The following SEL1L2 variants were observed in gnomAD, a reference collection of about 807,000 sequenced individuals.
The protein encoded by SEL1L2 is protein sel-1 homolog 2.
SEL1L2 carries 89 observed loss-of-function variants against 98.8 expected under a neutral mutation model. The observed-to-expected ratio is 0.90, with a 90% confidence interval of 0.76 to 1.07. SEL1L2 has a LOEUF of 1.07. Among genes scored for constraint, SEL1L2 ranks in the 50% least tolerant of loss-of-function variants. The pLI, the probability that SEL1L2 is intolerant of heterozygous loss-of-function variation, is 0.00. For synonymous variants in SEL1L2, 262 were observed against 278.5 expected, an observed-to-expected ratio of 0.94 and a Z score of 0.59; for missense variants, 788 against 812.0, an observed-to-expected ratio of 0.97 and a Z score of 0.36.
chr20:13,850,310 A>C lies in SEL1L2; in HGVS notation c.1828T>G (p.Leu610Val). Reference protein sequence around the residue: ...HGLGITKDIHLARRLYDMAAQ... With the variant: ...HGLGITKDIHVARRLYDMAAQ... ...GCCATGTCGTACAATCTTCTGGCCAAGTGAATGTCCTAGAAGGAGAAGAAT... is the reference window on the plus strand; with the variant it reads ...GCCATGTCGTACAATCTTCTGGCCACGTGAATGTCCTAGAAGGAGAAGAAT... The change falls in exon 19 of 20, where the codon TTG (leucine) becomes GTG (valine). Residue 610 changes from leucine to valine, a missense_variant. Physicochemically the swap from Leu to Val is conservative, Grantham distance 32 (BLOSUM62 1). Transcript: ENST00000284951. The C allele has an allele frequency of 1.9e-6, 3 of 1,614,046 alleles. No individual in the cohort carries two copies. Among genetic ancestry groups the C allele is most frequent in the Non-Finnish European group, 2.5e-6 (3 of 1,179,894 alleles).
chr20:13,941,347 C>T (rs1400868564), intron 2 of SEL1L2, among the ~76,000 whole-genome samples: 1 of 152,186 alleles, frequency 6.6e-6, no homozygotes, highest in Non-Finnish European at 1.5e-5. Context: ...AATCCCTGAT[C>T]TAGAGGGACA....
intron 1 of SEL1L2, among the ~76,000 whole-genome samples, chr20:13,980,302 G>A (rs751038407): frequency 6.6e-6 from 1 of 152,208 alleles, no homozygotes; most frequent in African/African-American, 2.4e-5. Flanking sequence ...TGCAACCTCT[G>A]CCTCCTGGGT....
chr20:13,965,407 T>C (rs1569055247), intron 1 of SEL1L2, among the ~76,000 whole-genome samples: 1 of 152,088 alleles, frequency 6.6e-6, no homozygotes, highest in Admixed American at 6.5e-5. Context: ...TGGTGATACA[T>C]AGAAGAAGAG....
chr20:13,850,434 T>A (rs1398781277), intron 18 of SEL1L2, 115 bp from the exon 19 acceptor site: 1 of 1,126,690 alleles, frequency 8.9e-7, no homozygotes, highest in East Asian at 2.4e-5. Context: ...AGGGAGATTA[T>A]CATGGATTAT....
intron 12 of SEL1L2, among the ~76,000 whole-genome samples, chr20:13,873,850 C>T (rs2046314003): frequency 6.6e-6 from 1 of 152,100 alleles, no homozygotes. Context: ...TATTTAATAA[C>T]CCCCTGGCAG....
intron 5 of SEL1L2, among the ~76,000 whole-genome samples, chr20:13,890,541 A>T (rs1264795913): frequency 1.3e-5 from 2 of 152,222 alleles, no homozygotes; most frequent in Admixed American, 1.3e-4. Context: ...GCTAGTCTAT[A>T]AAGACTAGGA....
At chr20:13,888,967 T>C (rs1310827868) in intron 5 of SEL1L2, among the ~76,000 whole-genome samples, 199 of 149,180 alleles carry the variant, frequency 1.3e-3, no homozygotes, top group African/African-American at 4.6e-3. Flanking sequence ...TTTTCTTTTT[T>C]TTTTTTTTGA....
At chr20:13,918,647 A>C (rs1462963069) in intron 4 of SEL1L2, among the ~76,000 whole-genome samples, 1 of 152,252 alleles carries the variant, frequency 6.6e-6, no homozygotes, top group African/African-American at 2.4e-5. Flanking sequence ...ATACTGTACA[A>C]ACACCCAGGC....
At chr20:13,929,447 G>A (rs1268161770) in intron 3 of SEL1L2, among the ~76,000 whole-genome samples, 2 of 145,502 alleles carry the variant, frequency 1.4e-5, no homozygotes, top group African/African-American at 5.1e-5. Context: ...TCCCCTGTCT[G>A]GAAAGCCAGG....
intron 10 of SEL1L2, among the ~76,000 whole-genome samples, chr20:13,878,253 A>T (rs960929876): frequency 6.6e-6 from 1 of 151,884 alleles, no homozygotes; most frequent in African/African-American, 2.4e-5. Context: ...CCTCCTTGGA[A>T]ACCATGTAGA....
intron 10 of SEL1L2, among the ~76,000 whole-genome samples, chr20:13,879,419 T>G (rs2046590439): frequency 6.6e-6 from 1 of 152,116 alleles, no homozygotes. Context: ...TGGTATGATC[T>G]TGGTTCACTG....
chr20:13,935,292 A>G (rs2049397883), intron 2 of SEL1L2, among the ~76,000 whole-genome samples: 1 of 152,212 alleles, frequency 6.6e-6, no homozygotes, highest in African/African-American at 2.4e-5. Flanking sequence ...CCCTGCTCTC[A>G]GAGCCAGGGA....
chr20:13,953,166 T>C (rs534247273), intron 2 of SEL1L2, among the ~76,000 whole-genome samples: 1 of 152,298 alleles, frequency 6.6e-6, no homozygotes, highest in South Asian at 2.1e-4. Flanking sequence ...AAAAGTTTTT[T>C]TTACAGTCGG....
Position 13,897,231 on chromosome 20 carries a change from T to C in SEL1L2, c.550-8719A>G, listed in dbSNP as rs571281064. On this transcript the variant is annotated intron_variant, in intron 5 of 19. Transcript: ENST00000284951. ...ATGCAAAAGAATGTAGTTGGACCCT[T>C]ACTCTAGATCATATACAAAAGTTAG... Among the ~76,000 whole-genome samples, 4 of 152,338 alleles carry C rather than the reference T, an allele frequency of 2.6e-5. No individual in the cohort carries two copies. In the East Asian group the frequency reaches 7.7e-4, roughly 29 times the overall value.
chr20:13,958,663 G>A (rs530994841), intron 1 of SEL1L2, among the ~76,000 whole-genome samples: 191 of 152,170 alleles, frequency 1.3e-3, no homozygotes, highest in Non-Finnish European at 1.9e-3. Context: ...AGGTCTGGGC[G>A]CGGTGGCTCA....
chr20:13,859,802 C>A (rs918874962), intron 17 of SEL1L2, among the ~76,000 whole-genome samples: 3 of 152,124 alleles, frequency 2.0e-5, no homozygotes, highest in African/African-American at 7.2e-5. Flanking sequence ...CAGGTTCAAG[C>A]GATTCTCCTG....
chr20:13,982,906 C>T (rs1335108993), intron 1 of SEL1L2, among the ~76,000 whole-genome samples: 1 of 150,918 alleles, frequency 6.6e-6, no homozygotes, highest in East Asian at 1.9e-4. Flanking sequence ...CACCTGTAGT[C>T]CCAGCTACTC....
intron 2 of SEL1L2, among the ~76,000 whole-genome samples, chr20:13,940,010 C>T (rs1465390797): frequency 6.6e-6 from 1 of 152,190 alleles, no homozygotes; most frequent in Non-Finnish European, 1.5e-5. Context: ...CACTGATTCA[C>T]TCATTCAATA....
rs1987822328 is a variant in SEL1L2, at chr20:13,849,304, T to C, written c.*181A>G. ...CCAGCATCCCGCAAAGGGTTTTCTC[T>C]ACTAAGCAGGAAGTCTGAAGTTGTT... On this transcript the variant is annotated 3_prime_UTR_variant, in exon 20 of 20. Transcript: ENST00000284951. 1 of 685,926 alleles carries C rather than the reference T, an allele frequency of 1.5e-6. No homozygotes were observed. Among genetic ancestry groups the C allele is most frequent in the African/African-American group, 1.8e-5 (1 of 55,674 alleles). The allele number at this position is 685,926 out of a possible 1,614,324, so 42.5% of individuals were successfully genotyped here.
Sources: allele counts gnomAD v4.1 joint callset (sites outside exome capture counted in the v4.1 genomes callset), GRCh38; gene constraint gnomAD v4.1.1; transcripts MANE v1.5; gene names NCBI Gene and HGNC (gene_info 2026-07-23, HGNC 2026-07-21).